The following ARHGAP20 variants were observed in gnomAD, a reference collection of about 807,000 sequenced individuals.
The protein encoded by ARHGAP20 is Rho GTPase activating protein 20.
Under a neutral mutation model 73.7 loss-of-function variants are expected in ARHGAP20, and 34 were observed. The ratio of observed to expected loss-of-function variants is 0.46; its 90% confidence interval spans 0.35 to 0.61. The LOEUF is 0.61. Among genes scored for constraint, ARHGAP20 ranks in the 20% least tolerant of loss-of-function variants. The pLI is 0.00. For synonymous variants in ARHGAP20, 523 were observed against 518.2 expected (o/e 1.01, Z -0.13); for missense variants, 1,314 against 1,420.9 (o/e 0.92, Z 1.21).
chr11:110,685,910 A>C (rs1195382590), intron 2 of ARHGAP20, among the ~76,000 whole-genome samples: 1 of 152,064 alleles, frequency 6.6e-6, no homozygotes, highest in Non-Finnish European at 1.5e-5. Flanking sequence ...ATTTCAAGAG[A>C]TAGAAACGAT....
intron 9 of ARHGAP20, among the ~76,000 whole-genome samples, chr11:110,593,012 C>T (rs1032142581): frequency 1.3e-5 from 2 of 151,750 alleles, no homozygotes; most frequent in African/African-American, 4.8e-5. Flanking sequence ...TAAAAGCATT[C>T]AGAGGAAAGT....
intron 2 of ARHGAP20, among the ~76,000 whole-genome samples, chr11:110,658,690 T>C (rs192039861): frequency 1.3e-5 from 2 of 152,188 alleles, no homozygotes; most frequent in African/African-American, 4.8e-5. Flanking sequence ...ACACAGACAA[T>C]ATATTGTTAG....
intron 2 of ARHGAP20, among the ~76,000 whole-genome samples, chr11:110,635,985 T>C (rs906794339): frequency 1.3e-5 from 2 of 152,148 alleles, no homozygotes. Flanking sequence ...TGAGCTTTAA[T>C]TTTTTAATTA....
In ARHGAP20 at chr11:110,615,597, G is replaced by A; in HGVS notation, c.504-3C>T. On this transcript the variant is annotated splice_region_variant and splice_polypyrimidine_tract_variant and intron_variant, in intron 4 of 14. Coordinates refer to ENST00000683387, the MANE Select transcript of ARHGAP20 (RefSeq NM_001384657.1). ...ATTTGTCCTTTTGTTCTGGAGAACT[G>A]CAATCAAAGAAAATGGGAGAGAAAA... The A allele has an allele frequency of 1.2e-6, 2 of 1,611,322 alleles. No homozygotes were observed. Among genetic ancestry groups the A allele is most frequent in the East Asian group, 2.2e-5 (1 of 44,746 alleles).
Position 110,579,860 on chromosome 11 carries a change from G to T in ARHGAP20, c.3086C>A (p.Ser1029Tyr). The T allele has an allele frequency of 3.1e-6, 5 of 1,614,230 alleles. No individual in the cohort carries two copies. Among genetic ancestry groups the T allele is most frequent in the Non-Finnish European group, 3.4e-6 (4 of 1,180,044 alleles). ...CCATGTGCTGGGATGAAGAGTTACA[G>T]AATGCATTTGTGAATGCCACTCCAT... ...DTMEWHSQMHSVTLHPSTWLR... is the reference protein window; with the variant it reads ...DTMEWHSQMHYVTLHPSTWLR... Residue 1029 changes from serine to tyrosine, a missense_variant, in exon 15 of 15, where the codon TCT becomes TAT. By Grantham distance (144) the Ser-to-Tyr change is moderately radical. This residue lies in a region of ARHGAP20 where 641 missense variants were observed against 636.9 expected (regional missense o/e 1.01). Transcript: ENST00000683387.
intron 2 of ARHGAP20, among the ~76,000 whole-genome samples, chr11:110,660,069 A>AAAAAAACAAAAC (rs71057020): frequency 0.028 from 4,107 of 146,890 alleles, 197 homozygotes; most frequent in African/African-American, 0.094. Context: ...AACAAAAAAA[A>AAAAAAACAAAAC]AAAAAAAAAG....
In ARHGAP20 at chr11:110,577,452, A is replaced by AT. The variant is rs1307426714; in HGVS notation, c.*1917dup. 24 of 1,059,084 alleles carry AT rather than the reference A, an allele frequency of 2.3e-5. No individual in the cohort carries two copies. The highest frequency in any genetic ancestry group is 1.5e-4 in the African/African-American group (9 of 58,818). The allele number at this position is 1,059,084 out of a possible 1,614,324, so 65.6% of individuals were successfully genotyped here. On this transcript the variant is annotated 3_prime_UTR_variant, in exon 15 of 15. Transcript: ENST00000683387. ...TTCTATGCTTCAAATTGGGTGAATGATTTTTTACCTGCTAACATGAAAAAA... is the reference window on the plus strand; with the variant it reads ...TTCTATGCTTCAAATTGGGTGAATGATTTTTTTACCTGCTAACATGAAAAAA...
At chr11:110,645,650 C>T (rs1273187714) in intron 2 of ARHGAP20, among the ~76,000 whole-genome samples, 1 of 152,126 alleles carries the variant, frequency 6.6e-6, no homozygotes, top group Non-Finnish European at 1.5e-5. Context: ...AATCATTCTA[C>T]TGAAAAGACA....
At position 110,615,613 on chromosome 11, in the gene ARHGAP20, G is replaced by A. The variant is rs1262510356; in HGVS notation, c.504-19C>T. On this transcript the variant is annotated intron_variant, in intron 4 of 14. Transcript: ENST00000683387. ...TGGAGAACTGCAATCAAAGAAAATG[G>A]GAGAGAAAAATTAAACCACATAAAA... The A allele has an allele frequency of 1.2e-6, 2 of 1,608,792 alleles. No homozygotes were observed. Among genetic ancestry groups the A allele is most frequent in the Admixed American group, 3.4e-5 (2 of 59,358 alleles).
intron 2 of ARHGAP20, among the ~76,000 whole-genome samples, chr11:110,656,252 G>A (rs966991237): frequency 6.6e-6 from 1 of 151,978 alleles, no homozygotes; most frequent in Admixed American, 6.6e-5. Flanking sequence ...GGGAGCACGT[G>A]GGATTCTTAG....
rs546419850 is a variant in ARHGAP20, at chr11:110,577,097, C to T, written c.*2273G>A. 5 of 1,529,942 alleles carry T rather than the reference C, an allele frequency of 3.3e-6. No individual in the cohort carries two copies. In the Admixed American group the frequency reaches 7.9e-5, roughly 24 times the overall value. The allele number at this position is 1,529,942 out of a possible 1,614,324, so 94.8% of individuals were successfully genotyped here. A position where few individuals can be genotyped will look rare whatever the true frequency, so the allele number is the denominator to read the frequency against. On this transcript the variant is annotated 3_prime_UTR_variant, in exon 15 of 15. Coordinates refer to ENST00000683387, the MANE Select transcript of ARHGAP20 (RefSeq NM_001384657.1). ...TTTAACAGACAGCATGGACTTCATA[C>T]ATATCCATTATCAGTGCCTTGAAAA...
intron 10 of ARHGAP20, among the ~76,000 whole-genome samples, 160 bp from the exon 11 acceptor site, chr11:110,590,969 T>G: frequency 6.6e-6 from 1 of 152,050 alleles, no homozygotes; most frequent in African/African-American, 2.4e-5. Context: ...GTCACCTTTT[T>G]GGAGAGTGGA....
At chr11:110,611,221 GC>G in intron 7 of ARHGAP20, 87 bp downstream of exon 7, 3 of 794,864 alleles carry the variant, frequency 3.8e-6, no homozygotes, top group Non-Finnish European at 5.8e-6. Context: ...CTAATAATCA[GC>G]TGTCTTATGA....
chr11:110,601,980 T>C (rs1948121511), intron 9 of ARHGAP20, among the ~76,000 whole-genome samples: 1 of 122,096 alleles, frequency 8.2e-6, no homozygotes, highest in South Asian at 2.4e-4. Flanking sequence ...AGACTTTTTC[T>C]CAAAAAAAAA....
intron 7 of ARHGAP20, among the ~76,000 whole-genome samples, chr11:110,610,138 TA>T (rs1591313425): frequency 6.6e-6 from 1 of 152,242 alleles, no homozygotes; most frequent in East Asian, 1.9e-4. Context: ...TTCCAAAATA[TA>T]CTCATATAGC....
intron 1 of ARHGAP20, among the ~76,000 whole-genome samples, chr11:110,693,549 A>T (rs1227359998): frequency 6.6e-6 from 1 of 151,994 alleles, no homozygotes; most frequent in African/African-American, 2.4e-5. Flanking sequence ...TCTTACAAGC[A>T]GCCAATATAA....
intron 9 of ARHGAP20, among the ~76,000 whole-genome samples, chr11:110,602,747 C>T (rs1266865384): frequency 6.6e-6 from 1 of 152,100 alleles, no homozygotes; most frequent in African/African-American, 2.4e-5. Context: ...AAAAACAAGG[C>T]AAGTGACTTT....
At chr11:110,660,069 A>AAAAAACAAAAAAAAAAAAAAC (rs775570615) in intron 2 of ARHGAP20, among the ~76,000 whole-genome samples, 2 of 146,932 alleles carry the variant, frequency 1.4e-5, no homozygotes, top group African/African-American at 5.3e-5. Flanking sequence ...AACAAAAAAA[A>AAAAAACAAAAAAAAAAAAAAC]AAAAAAAAAG....
intron 9 of ARHGAP20, among the ~76,000 whole-genome samples, chr11:110,602,958 T>C (rs1948143940): frequency 6.6e-6 from 1 of 152,198 alleles, no homozygotes; most frequent in South Asian, 2.1e-4. Flanking sequence ...TTATATTTCA[T>C]GGTAGTGAAA....
Sources: gnomAD v4.1 joint callset for allele counts (sites outside exome capture counted in the v4.1 genomes callset) on GRCh38, gnomAD v4.1.1 for gene constraint, gnomAD v4.1.1 regional missense constraint, MANE v1.5 for transcripts, NCBI Gene and HGNC (gene_info 2026-07-23, HGNC 2026-07-21) for gene names.